Variants in AMOTL1 observed in about 807,000 individuals in gnomAD.
AMOTL1 encodes the protein angiomotin like 1.
In AMOTL1, 45 loss-of-function variants were observed where a neutral mutation model predicts 102.9. The observed-to-expected ratio is 0.44, with a 90% CI of 0.34 to 0.56. AMOTL1 has a LOEUF of 0.56. AMOTL1 is among the 20% of genes least tolerant of loss of function. AMOTL1 has a pLI of 0.01. For synonymous variants in AMOTL1, 481 were observed against 484.7 expected, an observed-to-expected ratio of 0.99 and a Z score of 0.10; for missense variants, 1,114 against 1,225.6, an observed-to-expected ratio of 0.91 and a Z score of 1.36.
At chr11:94,761,731 C>G (rs1170197250) in intron 3 of AMOTL1, among the ~76,000 whole-genome samples, 1 of 152,114 alleles carries the variant, frequency 6.6e-6, no homozygotes, top group Non-Finnish European at 1.5e-5. Flanking sequence ...AATTTTTCTC[C>G]TGAATGGAAC....
At chr11:94,815,999 G>A (rs879361795) in intron 3 of AMOTL1, among the ~76,000 whole-genome samples, 2 of 151,912 alleles carry the variant, frequency 1.3e-5, no homozygotes, top group Non-Finnish European at 2.9e-5. Context: ...TATTTATAAT[G>A]GTCTTTCTAG....
intron 1 of AMOTL1, among the ~76,000 whole-genome samples, chr11:94,769,040 G>C (rs999471319): frequency 6.6e-6 from 1 of 151,984 alleles, no homozygotes; most frequent in Admixed American, 6.5e-5. Context: ...TCTGCCCGCC[G>C]GCCAGACCCG....
intron 3 of AMOTL1, among the ~76,000 whole-genome samples, chr11:94,807,279 C>G (rs527840620): frequency 3.7e-4 from 56 of 152,166 alleles, no homozygotes; most frequent in African/African-American, 1.3e-3. Flanking sequence ...TTGCAAAGCT[C>G]TATATAAATA....
At chr11:94,708,120 G>T (rs1180018750) in intron 1 of AMOTL1, among the ~76,000 whole-genome samples, 1 of 152,010 alleles carries the variant, frequency 6.6e-6, no homozygotes, top group African/African-American at 2.4e-5. Flanking sequence ...CCATCAACAC[G>T]CTTTGCCTGA....
chr11:94,718,369 AT>A (rs1485574206), intron 1 of AMOTL1, among the ~76,000 whole-genome samples: 8 of 152,064 alleles, frequency 5.3e-5, no homozygotes, highest in Admixed American at 1.3e-4. Flanking sequence ...ATTACAAAAA[AT>A]GTCATATTAC....
At chr11:94,859,329 A>G (rs775936910) in intron 8 of AMOTL1, among the ~76,000 whole-genome samples, 196 bp from the exon 9 acceptor site, 2 of 152,174 alleles carry the variant, frequency 1.3e-5, no homozygotes, top group Admixed American at 6.5e-5. Flanking sequence ...TTCATTTCTC[A>G]TCTGTAAAAC....
chr11:94,828,377 T>C (rs1474515788), intron 4 of AMOTL1, among the ~76,000 whole-genome samples: 2 of 152,156 alleles, frequency 1.3e-5, no homozygotes, highest in African/African-American at 4.8e-5. Context: ...ATATCTCTTC[T>C]ACCTCCTCTC....
chr11:94,857,589 T>A (rs925334562), intron 8 of AMOTL1, among the ~76,000 whole-genome samples: 2 of 152,142 alleles, frequency 1.3e-5, no homozygotes, highest in Non-Finnish European at 2.9e-5. Flanking sequence ...AGAGGGGAAT[T>A]TGCATTTTTA....
intron 6 of AMOTL1, among the ~76,000 whole-genome samples, chr11:94,841,622 A>T (rs996412699): frequency 2.6e-5 from 4 of 152,196 alleles, no homozygotes; most frequent in Non-Finnish European, 4.4e-5. Context: ...TTCATTATCT[A>T]GTTTATTATG....
At chr11:94,843,861 A>G (rs1002174044) in intron 6 of AMOTL1, among the ~76,000 whole-genome samples, 3 of 152,216 alleles carry the variant, frequency 2.0e-5, no homozygotes, top group Admixed American at 1.3e-4. Flanking sequence ...TTCATAGAGC[A>G]TTCCAGGTTA....
chr11:94,866,326 A>G, intron 11 of AMOTL1, 158 bp downstream of exon 11: 3 of 695,840 alleles, frequency 4.3e-6, no homozygotes, highest in Non-Finnish European at 7.1e-6. Flanking sequence ...AGTTATAGAT[A>G]TGTGGAAGCA....
At chr11:94,846,473 T>C (rs1952413351) in intron 6 of AMOTL1, among the ~76,000 whole-genome samples, 2 of 152,264 alleles carry the variant, frequency 1.3e-5, no homozygotes, top group Admixed American at 1.3e-4. Context: ...CAGAGAGGTT[T>C]GTTTACTACC....
At chr11:94,765,105 A>G (rs1294451125), upstream of AMOTL1, among the ~76,000 whole-genome samples, 7 of 152,190 alleles carry the variant, frequency 4.6e-5, no homozygotes, top group African/African-American at 1.7e-4. Flanking sequence ...TTTGAGTGAA[A>G]GACTGCTCTC....
intron 1 of AMOTL1, among the ~76,000 whole-genome samples, chr11:94,769,591 T>G (rs1350448408): frequency 6.6e-6 from 1 of 152,220 alleles, no homozygotes. Flanking sequence ...CCATTTTTGT[T>G]CGAAGATTTT....
intron 3 of AMOTL1, among the ~76,000 whole-genome samples, chr11:94,747,350 T>C (rs552335029): frequency 1.3e-5 from 2 of 152,216 alleles, no homozygotes; most frequent in African/African-American, 4.8e-5. Flanking sequence ...TGAACTGGCC[T>C]ATGAGTGCCA....
intron 3 of AMOTL1, among the ~76,000 whole-genome samples, chr11:94,801,467 C>T (rs776289138): frequency 3.9e-5 from 6 of 152,022 alleles, no homozygotes; most frequent in Non-Finnish European, 8.8e-5. Context: ...CATAAGCAAT[C>T]GGGAAAAGCG....
At chr11:94,827,280 G>A (rs898521255) in intron 4 of AMOTL1, among the ~76,000 whole-genome samples, 23 of 152,142 alleles carry the variant, frequency 1.5e-4, no homozygotes, top group African/African-American at 5.3e-4. Flanking sequence ...TGTAGCTAAG[G>A]AAGCCTCGCT....
chr11:94,809,325 A>G (rs1239290530), intron 3 of AMOTL1, among the ~76,000 whole-genome samples: 2 of 152,142 alleles, frequency 1.3e-5, no homozygotes, highest in Non-Finnish European at 2.9e-5. Context: ...CTCAGTTCAG[A>G]CTAGCCACAT....
intron 4 of AMOTL1, among the ~76,000 whole-genome samples, chr11:94,829,313 C>T (rs1952029005): frequency 6.6e-6 from 1 of 151,384 alleles, no homozygotes; most frequent in African/African-American, 2.4e-5. Context: ...ACCTTCGCCT[C>T]CCAGGCTCAA....
Sources: gnomAD v4.1 joint callset for allele counts (sites outside exome capture counted in the v4.1 genomes callset) on GRCh38, gnomAD v4.1.1 for gene constraint, MANE v1.5 for transcripts, NCBI Gene and HGNC (gene_info 2026-07-23, HGNC 2026-07-21) for gene names.